Variants in HECTD4 observed in about 807,000 individuals in gnomAD.
The protein encoded by HECTD4 is probable E3 ubiquitin-protein ligase HECTD4.
A neutral mutation model predicts 471.5 loss-of-function variants in HECTD4; 114 were observed. The ratio of observed to expected loss-of-function variants is 0.24; its 90% confidence interval spans 0.21 to 0.28. The LOEUF (loss-of-function observed/expected upper bound fraction) is 0.28, where lower values mean the gene tolerates loss of function less well. Among genes scored for constraint, HECTD4 ranks in the 10% least tolerant of loss-of-function variants. The probability of loss-of-function intolerance (pLI) is 1.00; values close to 1 mark genes in which losing one functional copy is unlikely to be tolerated. For missense variants in HECTD4, 3,866 were observed against 5,651.5 expected (o/e 0.68, Z 10.13); for synonymous variants, 2,012 against 2,256.0 (o/e 0.89, Z 3.07).
chr12:112,297,268 GTGTAGGTGCAGTGAA>G (rs2135669691), intron 7 of HECTD4, among the ~76,000 whole-genome samples: 5 of 150,274 alleles, frequency 3.3e-5, no homozygotes, highest in African/African-American at 9.8e-5. Context: ...AGTGCAGAAG[GTGTAGGTGCAGTGAA>G]TGTAGGTGCA....
At chr12:112,196,562 T>C (rs1038928957) in intron 55 of HECTD4, among the ~76,000 whole-genome samples, 1 of 152,274 alleles carries the variant, frequency 6.6e-6, no homozygotes, top group Admixed American at 6.5e-5. Flanking sequence ...TCAGACTTTA[T>C]AGGCAAAGTT....
intron 1 of HECTD4, among the ~76,000 whole-genome samples, chr12:112,350,700 G>A (rs2036235112): frequency 1.3e-5 from 2 of 152,084 alleles, no homozygotes; most frequent in Non-Finnish European, 2.9e-5. Flanking sequence ...TTCATCATAA[G>A]AAAAAATAAT....
chr12:112,217,537 A>G (rs1271438347), intron 45 of HECTD4, among the ~76,000 whole-genome samples: 1 of 152,160 alleles, frequency 6.6e-6, no homozygotes, highest in Non-Finnish European at 1.5e-5. Context: ...TATTTTTTGT[A>G]AAGATGAGAT....
In HECTD4 at chr12:112,319,747, G is replaced by A. The variant is rs2035548175; in HGVS notation, c.178-5C>T. 2.4e-6 allele frequency: 3 copies of A among 1,245,046 alleles called. No individual in the cohort carries two copies. Among genetic ancestry groups the A allele is most frequent in the African/African-American group, 3.1e-5 (2 of 64,668 alleles). 77.1% of individuals were successfully genotyped at this position (1,245,046 alleles called of 1,614,324 possible). ...CTTGGTCTCAAAGGTTAAAATCTAA[G>A]GAAAAAGACGATGGAGAAGTGGGTA... On this transcript the variant is annotated splice_region_variant and splice_polypyrimidine_tract_variant and intron_variant, in intron 1 of 75. Coordinates refer to ENST00000682272, the MANE Select transcript of HECTD4 (RefSeq NM_001388303.1). This position sits in a 1 kb window ranked among gnomAD's most constrained non-coding sequence, Gnocchi z 5.3.
At chr12:112,342,469 C>G (rs567622473) in intron 1 of HECTD4, among the ~76,000 whole-genome samples, 2 of 152,142 alleles carry the variant, frequency 1.3e-5, no homozygotes, top group African/African-American at 4.8e-5. Flanking sequence ...TAAAAACAAA[C>G]AAACAAACAA....
intron 20 of HECTD4, among the ~76,000 whole-genome samples, chr12:112,257,701 T>C (rs1421288813): frequency 2.0e-5 from 3 of 152,218 alleles, no homozygotes; most frequent in Non-Finnish European, 4.4e-5. Flanking sequence ...GAGTCCATTG[T>C]ATGACTATAT....
At chr12:112,206,245 C>T (rs1158496727) in intron 52 of HECTD4, among the ~76,000 whole-genome samples, 1 of 152,080 alleles carries the variant, frequency 6.6e-6, no homozygotes, top group African/African-American at 2.4e-5. Context: ...CCTGTAATCC[C>T]AGCACTTTGG....
chr12:112,304,140 G>A (rs1292056069), intron 7 of HECTD4, among the ~76,000 whole-genome samples: 1 of 150,852 alleles, frequency 6.6e-6, no homozygotes, highest in South Asian at 2.1e-4. Flanking sequence ...AAAGTGTGTG[G>A]ATTTTTTTGA....
In HECTD4 at chr12:112,228,533, G is replaced by A. The variant is rs967644089; in HGVS notation, c.6684+114C>T. The A allele has an allele frequency of 9.0e-6, 9 of 1,005,280 alleles. No individual in the cohort carries two copies. The African/African-American group carries it at 1.5e-4, about 17-fold the overall frequency. The allele number at this position is 1,005,280 out of a possible 1,614,324, so 62.3% of individuals were successfully genotyped here. A position where few individuals can be genotyped will look rare whatever the true frequency, so the allele number is the denominator to read the frequency against. On this transcript the variant is annotated intron_variant, in intron 42 of 75. Coordinates refer to ENST00000682272, the MANE Select transcript of HECTD4 (RefSeq NM_001388303.1). This position sits in a 1 kb window ranked among gnomAD's most constrained non-coding sequence, Gnocchi z 4.9. The stretch of plus-strand genomic sequence containing the variant: ...ACCAATACATAAATATACATCACAA[G>A]TACAATTTAAGATAATCAAGCATTT...
At chr12:112,334,246 A>C (rs1370997536) in intron 1 of HECTD4, among the ~76,000 whole-genome samples, 2 of 150,694 alleles carry the variant, frequency 1.3e-5, no homozygotes. Flanking sequence ...TAAATAAATA[A>C]ATAAAGTGGG....
At position 112,193,612 on chromosome 12, in the gene HECTD4, G is replaced by T; in HGVS notation, c.8812C>A (p.Gln2938Lys). ...AQSLQHCIHS[Q>K]NCSATDLFYQ... ...AAGAGGTCCGTGGCGGAGCAGTTCTGGGAATGGATGCAATGCTGTAAAGAC... is the reference window on the plus strand; with the variant it reads ...AAGAGGTCCGTGGCGGAGCAGTTCTTGGAATGGATGCAATGCTGTAAAGAC... Residue 2938 changes from glutamine (Q) to lysine (K), a missense_variant, in exon 57 of 76, where the codon CAG (glutamine) becomes AAG (lysine). Physicochemically the swap from Gln to Lys is moderately conservative, Grantham distance 53 (BLOSUM62 1). Around this residue, in one of 16 missense-constraint regions of HECTD4, gnomAD observed 364 missense variants for 413.2 expected, o/e 0.88. Transcript: ENST00000682272. The surrounding 1 kb of genome is among the most constrained non-coding windows in gnomAD (Gnocchi z 5.2). The T allele has an allele frequency of 6.2e-7, 1 of 1,613,236 alleles. No homozygotes were observed. The highest frequency in any genetic ancestry group is 1.1e-5 in the South Asian group (1 of 90,768).
chr12:112,185,161 G>A lies in HECTD4; in HGVS notation c.9805C>T (p.Leu3269=), dbSNP rs201134892. 5 of 1,552,170 alleles carry A rather than the reference G, an allele frequency of 3.2e-6. No individual in the cohort carries two copies. The highest frequency in any genetic ancestry group is 1.2e-5 in the South Asian group (1 of 84,106). ...EGCLAVAEVT[L]PTNMSVTASG... ...GCTGTGACACTCATGTTAGTAGGCA[G>A]GGTCACTTCGGCCACAGCCAGGCAC... The change falls in exon 61 of 76, where the codon CTG becomes TTG. Residue 3269 remains leucine, a synonymous_variant. Coordinates refer to ENST00000682272, the MANE Select transcript of HECTD4 (RefSeq NM_001388303.1).
At chr12:112,290,832 G>C (rs1262419513) in intron 7 of HECTD4, among the ~76,000 whole-genome samples, 1 of 133,698 alleles carries the variant, frequency 7.5e-6, no homozygotes, top group African/African-American at 2.9e-5. Flanking sequence ...TGAGCAACAA[G>C]AGCGAAACTC....
At chr12:112,368,467 A>C (rs2036608364) in intron 1 of HECTD4, among the ~76,000 whole-genome samples, 1 of 152,236 alleles carries the variant, frequency 6.6e-6, no homozygotes, top group African/African-American at 2.4e-5. Flanking sequence ...TTCGCTTCCT[A>C]TAAATTGATA....
chr12:112,199,925 T>A (rs2032367666), intron 55 of HECTD4, among the ~76,000 whole-genome samples: 1 of 152,216 alleles, frequency 6.6e-6, no homozygotes, highest in Non-Finnish European at 1.5e-5. Context: ...CTTGTGATGT[T>A]GACAATTTTG....
At chr12:112,237,126 G>A in intron 34 of HECTD4, 28 bp from the exon 35 acceptor site, 1 of 1,526,158 alleles carries the variant, frequency 6.6e-7, no homozygotes, top group Non-Finnish European at 8.8e-7. Flanking sequence ...GAAAAAAAGA[G>A]ATTGGTGAAA....
rs545111658 is a variant in HECTD4, at chr12:112,239,844, G to T, written c.5105+37C>A. ...TTCACTTAATCGACTATACTGCAGG[G>T]TAACTTACATACAACAAAAGGCCTT... On this transcript the variant is annotated intron_variant, in intron 33 of 75. Coordinates refer to ENST00000682272, the MANE Select transcript of HECTD4 (RefSeq NM_001388303.1). The surrounding 1 kb of genome is among the most constrained non-coding windows in gnomAD (Gnocchi z 4.9). The T allele has an allele frequency of 1.3e-6, 2 of 1,569,506 alleles. No individual in the cohort carries two copies. The highest frequency in any genetic ancestry group is 1.7e-6 in the Non-Finnish European group (2 of 1,150,186).
chr12:112,225,956 T>C (rs2033222883), intron 44 of HECTD4, among the ~76,000 whole-genome samples: 2 of 152,204 alleles, frequency 1.3e-5, no homozygotes, highest in African/African-American at 2.4e-5. Flanking sequence ...TAAAAATTAC[T>C]GTTAATAATT....
intron 1 of HECTD4, among the ~76,000 whole-genome samples, chr12:112,375,794 C>T (rs183204267): frequency 1.3e-5 from 2 of 151,898 alleles, no homozygotes; most frequent in Non-Finnish European, 2.9e-5. Context: ...CTAAGCCGGT[C>T]GTGGTGGCTC....
Sources: gnomAD v4.1 joint callset for allele counts (sites outside exome capture counted in the v4.1 genomes callset) on GRCh38, gnomAD v4.1.1 for gene constraint, gnomAD v4.1.1 regional missense constraint, Gnocchi (gnomAD v3.1) non-coding constraint, MANE v1.5 for transcripts, NCBI Gene and HGNC (gene_info 2026-07-23, HGNC 2026-07-21) for gene names.